Variants in FRMD4B observed in about 807,000 individuals in gnomAD.
The protein encoded by FRMD4B is FERM domain-containing protein 4B.
A neutral mutation model predicts 141.5 loss-of-function variants in FRMD4B; 74 were observed. The observed-to-expected ratio is 0.52, with a 90% CI of 0.43 to 0.63. The LOEUF is 0.63. Ranked by LOEUF, FRMD4B falls within the 30% of genes least tolerant of loss-of-function variation. FRMD4B has a pLI of 0.00. For missense variants in FRMD4B, 1,366 were observed against 1,253.4 expected, an observed-to-expected ratio of 1.09 and a Z score of -1.36; for synonymous variants, 506 against 467.9, an observed-to-expected ratio of 1.08 and a Z score of -1.05.
At chr3:69,287,352 A>C (rs1390761752) in intron 5 of FRMD4B, among the ~76,000 whole-genome samples, 1 of 152,272 alleles carries the variant, frequency 6.6e-6, no homozygotes, top group African/African-American at 2.4e-5. Context: ...ATCAGAAGGC[A>C]GAAATTGAAC....
At chr3:69,494,228 A>G (rs138937661) in intron 1 of FRMD4B, among the ~76,000 whole-genome samples, 12 of 152,322 alleles carry the variant, frequency 7.9e-5, no homozygotes, top group African/African-American at 2.4e-4. Context: ...TTCCACCACG[A>G]ATGGTTAACC....
chr3:69,257,637 T>C (rs1178916922), intron 5 of FRMD4B, among the ~76,000 whole-genome samples: 2 of 152,296 alleles, frequency 1.3e-5, no homozygotes, highest in East Asian at 3.9e-4. Context: ...ATTTCATCAC[T>C]TACTATATTT....
chr3:69,222,104 A>T (rs2093201717), intron 8 of FRMD4B, among the ~76,000 whole-genome samples, 181 bp from the exon 9 acceptor site: 1 of 152,078 alleles, frequency 6.6e-6, no homozygotes, highest in Admixed American at 6.6e-5. Context: ...CAGACATTTG[A>T]CTGCCTCCAT....
intron 3 of FRMD4B, among the ~76,000 whole-genome samples, chr3:69,302,648 C>T (rs1231315929): frequency 3.3e-5 from 5 of 152,156 alleles, no homozygotes; most frequent in Admixed American, 3.3e-4. Flanking sequence ...TCCAGGAGTA[C>T]ATCAAGGTAA....
chr3:69,275,319 C>G (rs2093612730), intron 5 of FRMD4B, among the ~76,000 whole-genome samples: 1 of 152,010 alleles, frequency 6.6e-6, no homozygotes, highest in African/African-American at 2.4e-5. Context: ...CTTTGCTGTT[C>G]TAGATAAGGC....
Position 69,455,822 on chromosome 3 carries a change from T to C in FRMD4B, c.-128-23061A>G, listed in dbSNP as rs2106904787. Among the ~76,000 whole-genome samples the C allele has an allele frequency of 1.3e-5, 2 of 152,298 alleles. 1 individual carries two copies. The highest frequency in any genetic ancestry group is 4.1e-4 in the South Asian group (2 of 4,824). On this transcript the variant is annotated intron_variant, in intron 1 of 5. Transcript: ENST00000459638. ...ATAAATTTTTAAACATTGTGCTGGC[T>C]CCCACTGTGTGAGTCAAAGAAAACA...
chr3:69,435,268 A>G (rs1322896770), intron 1 of FRMD4B, among the ~76,000 whole-genome samples: 1 of 152,058 alleles, frequency 6.6e-6, no homozygotes, highest in South Asian at 2.1e-4. Context: ...ACAACCTATC[A>G]TCAACCTTCA....
intron 7 of FRMD4B, among the ~76,000 whole-genome samples, chr3:69,230,145 T>G (rs909731989): frequency 6.6e-6 from 1 of 151,806 alleles, no homozygotes; most frequent in African/African-American, 2.4e-5. Flanking sequence ...CTGGCTAATT[T>G]TTTTGTATTT....
chr3:69,496,710 A>C (rs1308186718), intron 1 of FRMD4B, among the ~76,000 whole-genome samples: 1 of 149,594 alleles, frequency 6.7e-6, no homozygotes, highest in Non-Finnish European at 1.5e-5. Flanking sequence ...GATCCTGATG[A>C]CATCATGAGT....
chr3:69,487,739 C>T (rs1371738524), intron 1 of FRMD4B, among the ~76,000 whole-genome samples: 2 of 152,170 alleles, frequency 1.3e-5, no homozygotes, highest in African/African-American at 4.8e-5. Context: ...GATGCTGAGG[C>T]AGTTGGAGTG....
intron 4 of FRMD4B, among the ~76,000 whole-genome samples, chr3:69,290,900 A>T (rs1700851897): frequency 6.6e-6 from 1 of 152,094 alleles, no homozygotes; most frequent in African/African-American, 2.4e-5. Flanking sequence ...CTCCCAGTTC[A>T]CTCAACTAGC....
intron 19 of FRMD4B, among the ~76,000 whole-genome samples, chr3:69,183,962 C>T (rs2107605358): frequency 6.6e-6 from 1 of 152,158 alleles, no homozygotes; most frequent in African/African-American, 2.4e-5. Flanking sequence ...GTGGCACAAT[C>T]TCAGCTCACT....
chr3:69,182,605 GGC>G lies in FRMD4B; in HGVS notation c.2030_2031del (p.Ser677ThrfsTer32). ...AGAAAGAAGCTCTCTTACTCCAAGT[GGC>G]TGCTGCTGTAGGCGTTTCGGGTAAG... ...PVLTRNAYSS[S>X]HLEPESSSQH... On this transcript the variant is annotated frameshift_variant, in exon 20 of 23. Transcript: ENST00000398540. LOFTEE classifies it high-confidence loss of function. 1 of 1,608,888 alleles carries G rather than the reference GGC, an allele frequency of 6.2e-7. No individual in the cohort carries two copies. Among genetic ancestry groups the G allele is most frequent in the Non-Finnish European group, 8.5e-7 (1 of 1,178,624 alleles).
chr3:69,314,954 A>G (rs1480685472), intron 1 of FRMD4B, among the ~76,000 whole-genome samples: 3 of 152,192 alleles, frequency 2.0e-5, no homozygotes, highest in Admixed American at 6.5e-5. Flanking sequence ...AGTTGAGGCC[A>G]GGAGTTCAAG....
intron 2 of FRMD4B, among the ~76,000 whole-genome samples, chr3:69,406,740 T>G (rs1489504091): frequency 6.8e-6 from 1 of 146,282 alleles, no homozygotes; most frequent in Non-Finnish European, 1.5e-5. Context: ...TTTGTTTTTG[T>G]TTTTTTTTTA....
Position 69,171,927 on chromosome 3 carries a change from G to T in FRMD4B, c.3039C>A (p.Asp1013Glu). ...GTCTCTGCTCACTACTCTCCAGGTT[G>T]TCTTCCAGCTGGTTTCCATCTGTAC... is the stretch of plus-strand genomic sequence containing the variant. ...LDGTDGNQLE[D>E]NLESSEQRLF... Residue 1013 changes from aspartate to glutamate, a missense_variant, in exon 23 of 23, where the codon GAC becomes GAA. Physicochemically the swap from Asp to Glu is conservative, Grantham distance 45. Transcript: ENST00000398540. The T allele has an allele frequency of 3.7e-6, 6 of 1,612,578 alleles. No homozygotes were observed. Among genetic ancestry groups the T allele is most frequent in the African/African-American group, 1.3e-5 (1 of 75,008 alleles).
chr3:69,517,794 G>A lies in FRMD4B; in HGVS notation c.-129+24412C>T, dbSNP rs140642991. ...TCAGCTCAAGTGTGGAACCTCAAAT[G>A]TCTCTGTTACCTATCTGGCTCCATT... is the stretch of plus-strand genomic sequence containing the variant. On this transcript the variant is annotated intron_variant, in intron 1 of 5. Coordinates refer to the FRMD4B transcript ENST00000459638. Among the ~76,000 whole-genome samples the A allele has an allele frequency of 4.4e-4, 67 of 152,246 alleles. 2 individuals carry two copies. The highest frequency in any genetic ancestry group is 1.3e-3 in the African/African-American group (55 of 41,530).
chr3:69,495,566 C>T (rs545518978), intron 1 of FRMD4B, among the ~76,000 whole-genome samples: 5 of 152,238 alleles, frequency 3.3e-5, no homozygotes, highest in African/African-American at 1.2e-4. Context: ...GACAAGAGCA[C>T]GAATTTGGGT....
At chr3:69,275,821 G>A (rs2093615422) in intron 5 of FRMD4B, among the ~76,000 whole-genome samples, 1 of 151,980 alleles carries the variant, frequency 6.6e-6, no homozygotes, top group Non-Finnish European at 1.5e-5. Context: ...ACTAATTCAA[G>A]CTTCCTGTTA....
Sources: gnomAD v4.1 joint callset for allele counts (sites outside exome capture counted in the v4.1 genomes callset) on GRCh38, gnomAD v4.1.1 for gene constraint, MANE v1.5 for transcripts, NCBI Gene and HGNC (gene_info 2026-07-23, HGNC 2026-07-21) for gene names.